The following HACD4 variants were observed in gnomAD, a reference collection of about 807,000 sequenced individuals.
The protein encoded by HACD4 is very-long-chain (3R)-3-hydroxyacyl-CoA dehydratase 4.
A neutral mutation model predicts 33.3 loss-of-function variants in HACD4; 35 were observed. That is an observed-to-expected ratio of 1.05 (90% confidence interval 0.80 to 1.39). The LOEUF (loss-of-function observed/expected upper bound fraction) is 1.39. Among genes scored for constraint, HACD4 ranks in the 40% most tolerant of loss-of-function variants. The pLI, the probability that HACD4 is intolerant of heterozygous loss-of-function variation, is 0.00. For synonymous variants in HACD4, 118 were observed against 98.0 expected (o/e 1.20, Z -1.21); for missense variants, 323 against 276.5 (o/e 1.17, Z -1.19).
chr9:21,008,449 A>G (rs1481503018), intron 5 of HACD4, among the ~76,000 whole-genome samples: 1 of 152,158 alleles, frequency 6.6e-6, no homozygotes, highest in African/African-American at 2.4e-5. Flanking sequence ...CTAGCCACAA[A>G]TAGGGGTGAT....
At chr9:21,029,713 A>G (rs1818158018) in intron 1 of HACD4, among the ~76,000 whole-genome samples, 2 of 152,244 alleles carry the variant, frequency 1.3e-5, no homozygotes, top group East Asian at 3.8e-4. Flanking sequence ...TCTACAGAAC[A>G]TCACAGCTTA....
chr9:21,025,851 A>T (rs1439601952), intron 3 of HACD4, among the ~76,000 whole-genome samples: 1 of 152,238 alleles, frequency 6.6e-6, no homozygotes, highest in Non-Finnish European at 1.5e-5. Context: ...AGTGCCAGGA[A>T]CTTATCCATT....
chr9:21,012,018 A>C (rs1842449552), intron 4 of HACD4, among the ~76,000 whole-genome samples: 1 of 152,162 alleles, frequency 6.6e-6, no homozygotes, highest in African/African-American at 2.4e-5. Context: ...TTTTTGCAGC[A>C]AGCAGCTAGG....
Position 21,004,359 on chromosome 9 carries a change from A to G in HACD4, c.*2678T>C, listed in dbSNP as rs1449041710. 1 of 152,216 alleles carries G rather than the reference A, an allele frequency of 6.6e-6. No individual in the cohort carries two copies. The highest frequency in any genetic ancestry group is 1.5e-5 in the Non-Finnish European group (1 of 68,052). 9.4% of individuals were successfully genotyped at this position (152,216 alleles called of 1,614,324 possible). A position where few individuals can be genotyped will look rare whatever the true frequency, so the allele number is the denominator to read the frequency against. ...CAAATAACTTACAAGATGTTAACAA[A>G]TACATGACATTAATGAATACTCTAT... On this transcript the variant is annotated 3_prime_UTR_variant, in exon 7 of 7. Coordinates refer to ENST00000495827, the MANE Select transcript of HACD4 (RefSeq NM_001010915.5). The surrounding 1 kb of genome is among the most constrained non-coding windows in gnomAD (Gnocchi z 4.6).
At position 21,017,533 on chromosome 9, in the gene HACD4, C is replaced by T. The variant is rs1223089386; in HGVS notation, c.271-1523G>A. Among the ~76,000 whole-genome samples the T allele has an allele frequency of 3.9e-5, 6 of 152,218 alleles. No individual in the cohort carries two copies. The East Asian group carries it at 5.8e-4, about 15-fold the overall frequency. Reference sequence around the variant, plus strand: ...TGACACCTCTCAGCCTTCAGATACACGATCATAGCAACAAATAAGTTCTTA... The same window carrying T: ...TGACACCTCTCAGCCTTCAGATACATGATCATAGCAACAAATAAGTTCTTA... On this transcript the variant is annotated intron_variant, in intron 3 of 6. Coordinates refer to ENST00000495827, the MANE Select transcript of HACD4 (RefSeq NM_001010915.5).
chr9:21,015,718 T>C, intron 4 of HACD4, 180 bp downstream of exon 4: 1 of 469,400 alleles, frequency 2.1e-6, no homozygotes, highest in South Asian at 3.8e-5. Flanking sequence ...AGGTTTTCAT[T>C]ATCTTTGATA....
At chr9:21,025,673 T>C (rs1818043165) in intron 3 of HACD4, among the ~76,000 whole-genome samples, 1 of 152,208 alleles carries the variant, frequency 6.6e-6, no homozygotes, top group Non-Finnish European at 1.5e-5. Context: ...TTTTTGCCTT[T>C]ATCCAGCAAT....
intron 3 of HACD4, 144 bp downstream of exon 3, chr9:21,026,452 T>C: frequency 1.5e-6 from 1 of 675,280 alleles, no homozygotes; most frequent in Non-Finnish European, 2.5e-6. Flanking sequence ...TACAATAAGG[T>C]TGTCCTTCCA....
intron 3 of HACD4, among the ~76,000 whole-genome samples, chr9:21,025,041 A>G (rs1490685926): frequency 2.0e-5 from 3 of 152,168 alleles, no homozygotes; most frequent in Non-Finnish European, 1.5e-5. Context: ...CCCAGATACT[A>G]TGTTGCTGTT....
chr9:21,011,306 C>T (rs1242844393), intron 5 of HACD4, among the ~76,000 whole-genome samples: 6 of 152,230 alleles, frequency 3.9e-5, no homozygotes, highest in Middle Eastern at 3.4e-3. Context: ...GGTGAATAAG[C>T]AGACTCTGAG....
chr9:21,013,284 C>G lies in HACD4; in HGVS notation c.384-1589G>C, dbSNP rs575487593. Among the ~76,000 whole-genome samples the G allele has an allele frequency of 3.9e-5, 6 of 152,176 alleles. No homozygotes were observed. The East Asian group carries it at 7.7e-4, about 20-fold the overall frequency. ...TCCCAACACCATTTGTTGAAAAAGA[C>G]TATTCTTTCCCCATTGAATGGTCTT... On this transcript the variant is annotated intron_variant, in intron 4 of 6. Transcript: ENST00000495827.
At chr9:21,031,412 C>A in intron 1 of HACD4, 141 bp downstream of exon 1, 3 of 1,306,964 alleles carry the variant, frequency 2.3e-6, no homozygotes, top group Non-Finnish European at 2.9e-6. Context: ...GCATGAGCTC[C>A]AAGGGGTGCC....
intron 6 of HACD4, 61 bp downstream of exon 6, chr9:21,007,960 G>A (rs539716434): frequency 9.2e-5 from 137 of 1,486,220 alleles, no homozygotes; most frequent in Admixed American, 2.1e-4. Flanking sequence ...TAAGGTAGAC[G>A]GCAAGCACTA....
In HACD4 at chr9:21,031,586, C is replaced by A. The variant is rs1232762991; in HGVS notation, c.5G>T (p.Gly2Val). M[G>V]PLALPAWLQP... ...CAGCCAGGCGGGCAGCGCCAAGGGC[C>A]CCATGGGCCGCCGCCGCCAGGGCTT... is the stretch of plus-strand genomic sequence containing the variant. Residue 2 changes from glycine to valine, a missense_variant, in exon 1 of 7, where the codon GGG becomes GTG. Transcript: ENST00000495827. 7.6e-6 allele frequency: 11 copies of A among 1,438,610 alleles called. No individual in the cohort carries two copies. The highest frequency in any genetic ancestry group is 1.0e-5 in the Non-Finnish European group (11 of 1,101,610). 89.1% of individuals were successfully genotyped at this position (1,438,610 alleles called of 1,614,324 possible). A position where few individuals can be genotyped will look rare whatever the true frequency, so the allele number is the denominator to read the frequency against.
intron 3 of HACD4, among the ~76,000 whole-genome samples, chr9:21,016,265 T>C (rs567143070): frequency 5.3e-5 from 8 of 152,212 alleles, no homozygotes; most frequent in Non-Finnish European, 1.2e-4. Flanking sequence ...GATATTTCCT[T>C]TCTTCTTGCC....
chr9:21,005,135 T>C lies in HACD4; in HGVS notation c.*1902A>G, dbSNP rs1221552404. 3.9e-5 allele frequency: 6 copies of C among 152,274 alleles called. No individual in the cohort carries two copies. The East Asian group carries it at 5.8e-4, about 15-fold the overall frequency. The allele number at this position is 152,274 out of a possible 1,614,324, so 9.4% of individuals were successfully genotyped here. A position where few individuals can be genotyped will look rare whatever the true frequency, so the allele number is the denominator to read the frequency against. On this transcript the variant is annotated 3_prime_UTR_variant, in exon 7 of 7. Transcript: ENST00000495827. The surrounding 1 kb of genome is among the most constrained non-coding windows in gnomAD (Gnocchi z 4.0). ...ATAATATGCCAAAGAACTTGGATGA[T>C]TGTGTTCATGTTCTAGTGTTTTGTG...
intron 3 of HACD4, among the ~76,000 whole-genome samples, chr9:21,023,022 C>G (rs185797173): frequency 2.4e-4 from 36 of 152,000 alleles, no homozygotes; most frequent in Non-Finnish European, 3.4e-4. Context: ...TATACACCAC[C>G]GAATACTATG....
chr9:21,028,731 CTT>C (rs1056101098), intron 2 of HACD4, among the ~76,000 whole-genome samples: 3 of 152,202 alleles, frequency 2.0e-5, no homozygotes, highest in Admixed American at 6.5e-5. Context: ...AGTGACTTTA[CTT>C]TTCAGGAAAC....
At chr9:21,031,271 G>T in intron 1 of HACD4, 1 of 178,234 alleles carries the variant, frequency 5.6e-6, no homozygotes, top group Non-Finnish European at 1.1e-5. Flanking sequence ...TGGGGGGAGG[G>T]AAGTACTGGC....
Sources: gnomAD v4.1 joint callset for allele counts (sites outside exome capture counted in the v4.1 genomes callset) on GRCh38, gnomAD v4.1.1 for gene constraint, Gnocchi (gnomAD v3.1) non-coding constraint, MANE v1.5 for transcripts, NCBI Gene and HGNC (gene_info 2026-07-23, HGNC 2026-07-21) for gene names.